Variants in CDKN2B-AS1 observed in about 807,000 individuals in gnomAD.
CDKN2B-AS1 encodes CDKN2B and CDKN2A antisense cis and trans regulatory RNA 1.
exon 5 of CDKN2B-AS1, among the ~76,000 whole-genome samples, chr9:22,127,928 A>C (rs1818040255): frequency 6.6e-6 from 1 of 152,174 alleles, no homozygotes; most frequent in Non-Finnish European, 1.5e-5. Flanking sequence ...GGGTCAGACA[A>C]CTGGGTGCAT....
chr9:21,999,484 A>G lies in CDKN2B-AS1; in HGVS notation n.29+4323A>G, dbSNP rs956546916. Among the ~76,000 whole-genome samples the G allele has an allele frequency of 1.3e-5, 2 of 151,980 alleles. No individual in the cohort carries two copies. The highest frequency in any genetic ancestry group is 4.8e-5 in the African/African-American group (2 of 41,400). ...TGTAAGTATGGGAAGATGTATACAC[A>G]TGTACACATATATATACATACATAT... On this transcript the variant is annotated intron_variant and non_coding_transcript_variant, in intron 1 of 4. Coordinates refer to ENST00000650946, the Ensembl canonical transcript of CDKN2B-AS1. This position sits in a 1 kb window ranked among gnomAD's most constrained non-coding sequence, Gnocchi z 4.7.
intron 4 of CDKN2B-AS1, among the ~76,000 whole-genome samples, chr9:22,108,155 A>G (rs1398900016): frequency 6.6e-6 from 1 of 152,148 alleles, no homozygotes; most frequent in Non-Finnish European, 1.5e-5. Flanking sequence ...TTTATAATAG[A>G]ATTAATCTCT....
intron 1 of CDKN2B-AS1, among the ~76,000 whole-genome samples, chr9:22,041,251 A>G (rs192275142): frequency 6.6e-6 from 1 of 152,178 alleles, no homozygotes; most frequent in East Asian, 1.9e-4. Context: ...AGTGATGAGA[A>G]GAGCAAATGC....
intron 1 of CDKN2B-AS1, among the ~76,000 whole-genome samples, chr9:22,016,400 C>G (rs189324302): frequency 6.2e-4 from 94 of 152,264 alleles, no homozygotes; most frequent in African/African-American, 2.1e-3. Flanking sequence ...TCAATGTCAT[C>G]CCCATCAAGC....
In CDKN2B-AS1 at chr9:22,038,482, C is replaced by T. The variant is rs183617218; in HGVS notation, n.30-8269C>T. On this transcript the variant is annotated intron_variant and non_coding_transcript_variant, in intron 1 of 4. Coordinates refer to ENST00000650946, the Ensembl canonical transcript of CDKN2B-AS1. ...GCATCTTACTTTAATTGCTCAGCTG[C>T]CTCTTTTAAAAATCTTTTACTTTTA... is the stretch of plus-strand genomic sequence containing the variant. Among the ~76,000 whole-genome samples, 13 of 152,068 alleles carry T rather than the reference C, an allele frequency of 8.5e-5. 1 individual carries two copies. The highest frequency in any genetic ancestry group is 2.6e-4 in the African/African-American group (11 of 41,532).
intron 4 of CDKN2B-AS1, among the ~76,000 whole-genome samples, chr9:22,112,755 T>C (rs1490316333): frequency 6.6e-6 from 1 of 152,184 alleles, no homozygotes; most frequent in Non-Finnish European, 1.5e-5. Flanking sequence ...TCTTGAACTA[T>C]GTATAATTTA....
chr9:22,050,947 G>A (rs887340208), intron 3 of CDKN2B-AS1, among the ~76,000 whole-genome samples: 2 of 152,160 alleles, frequency 1.3e-5, no homozygotes, highest in Admixed American at 6.6e-5. Context: ...AACGGCTACC[G>A]TTTTTGCAGC....
At chr9:22,058,655 C>T (rs1823676047) in intron 4 of CDKN2B-AS1, 1 of 152,432 alleles carries the variant, frequency 6.6e-6, no homozygotes, top group African/African-American at 2.4e-5. Flanking sequence ...ACTCATGGCA[C>T]ATATCCATCT....
chr9:22,107,231 C>T (rs1042075936), intron 4 of CDKN2B-AS1, among the ~76,000 whole-genome samples: 8 of 152,134 alleles, frequency 5.3e-5, no homozygotes, highest in South Asian at 2.1e-4. Flanking sequence ...AAGAAACTAG[C>T]GGCAATCATC....
At chr9:22,037,809 A>G (rs1042537701) in intron 1 of CDKN2B-AS1, among the ~76,000 whole-genome samples, 1 of 152,116 alleles carries the variant, frequency 6.6e-6, no homozygotes, top group African/African-American at 2.4e-5. Flanking sequence ...TATTCCATTT[A>G]GAGGATAACA....
intron 1 of CDKN2B-AS1, chr9:22,008,899 C>A: frequency 6.2e-7 from 1 of 1,612,868 alleles, no homozygotes; most frequent in South Asian, 1.1e-5. Flanking sequence ...GCGGCGCTGG[C>A]CAGACCCTCA....
In CDKN2B-AS1 at chr9:22,006,791, C is replaced by T. The variant is rs976398132; in HGVS notation, n.29+11630C>T. 1.3e-5 allele frequency among the ~76,000 whole-genome samples: 2 copies of T among 151,458 alleles called. No homozygotes were observed. The highest frequency in any genetic ancestry group is 4.9e-5 in the African/African-American group (2 of 41,182). ...AATTTATTTAGTTCTCATAGCAAAT[C>T]CCGTGCGGAAGGCTTTTGTTTGTCA... is the stretch of plus-strand genomic sequence containing the variant. On this transcript the variant is annotated intron_variant and non_coding_transcript_variant, in intron 1 of 4. Transcript: ENST00000650946. This position sits in a 1 kb window ranked among gnomAD's most constrained non-coding sequence, Gnocchi z 6.4.
intron 1 of CDKN2B-AS1, among the ~76,000 whole-genome samples, chr9:22,035,678 T>G (rs1822659111): frequency 6.6e-6 from 1 of 152,190 alleles, no homozygotes; most frequent in Non-Finnish European, 1.5e-5. Flanking sequence ...GAAAGGTCAC[T>G]GGCTGGTTTG....
intron 1 of CDKN2B-AS1, chr9:22,031,152 C>T (rs1822452753): frequency 6.6e-6 from 1 of 152,132 alleles, no homozygotes; most frequent in African/African-American, 2.4e-5. Context: ...CATTTTTCTT[C>T]AAATTCACTC....
chr9:22,089,580 G>A (rs888708058), intron 4 of CDKN2B-AS1, among the ~76,000 whole-genome samples: 12 of 152,080 alleles, frequency 7.9e-5, no homozygotes, highest in African/African-American at 2.9e-4. Context: ...ATAGGCACAT[G>A]CCACCATGCC....
At chr9:22,077,896 T>C (rs886268827) in intron 4 of CDKN2B-AS1, 2 of 152,234 alleles carry the variant, frequency 1.3e-5, no homozygotes, top group African/African-American at 4.8e-5. Context: ...ACAATAGATC[T>C]CTGTGGCTTG....
At chr9:22,095,337 A>T (rs1205107932) in intron 4 of CDKN2B-AS1, among the ~76,000 whole-genome samples, 1 of 144,628 alleles carries the variant, frequency 6.9e-6, no homozygotes, top group Non-Finnish European at 1.5e-5. Context: ...TTCTGCCTTC[A>T]TTTTGTTATG....
chr9:22,058,881 C>A, intron 4 of CDKN2B-AS1: 1 of 215,622 alleles, frequency 4.6e-6, no homozygotes, highest in South Asian at 8.3e-5. Context: ...TACATGGTGG[C>A]AGCAAGAGAA....
chr9:22,080,055 A>G (rs1824643172), intron 4 of CDKN2B-AS1, among the ~76,000 whole-genome samples: 3 of 152,244 alleles, frequency 2.0e-5, no homozygotes, highest in South Asian at 2.1e-4. Flanking sequence ...ACCAGTCTCA[A>G]TGAAGCCTTT....
Sources: allele counts gnomAD v4.1 joint callset (sites outside exome capture counted in the v4.1 genomes callset), GRCh38; gene constraint gnomAD v4.1.1; non-coding constraint Gnocchi (gnomAD v3.1); transcripts MANE v1.5; gene names NCBI Gene and HGNC (gene_info 2026-07-23, HGNC 2026-07-21).